The following GALNT10 variants were observed in gnomAD, a reference collection of about 807,000 sequenced individuals.
GALNT10 encodes the protein polypeptide N-acetylgalactosaminyltransferase 10.
In GALNT10, 41 loss-of-function variants were observed where a neutral mutation model predicts 75.0. The ratio of observed to expected loss-of-function variants is 0.55; its 90% CI spans 0.43 to 0.71. GALNT10 has a LOEUF of 0.71. Among genes scored for constraint, GALNT10 ranks in the 30% least tolerant of loss-of-function variants. The pLI is 0.00. For synonymous variants in GALNT10, 302 were observed against 313.0 expected, an observed-to-expected ratio of 0.96 and a Z score of 0.37; for missense variants, 727 against 818.5, an observed-to-expected ratio of 0.89 and a Z score of 1.36.
intron 1 of GALNT10, among the ~76,000 whole-genome samples, chr5:154,286,039 G>A (rs1157950369): frequency 6.6e-6 from 1 of 152,158 alleles, no homozygotes; most frequent in African/African-American, 2.4e-5. Context: ...AACCTTGCAG[G>A]CTGGATCAGA....
intron 1 of GALNT10, among the ~76,000 whole-genome samples, chr5:154,283,987 A>T (rs1754079315): frequency 6.6e-6 from 1 of 152,222 alleles, no homozygotes; most frequent in African/African-American, 2.4e-5. Context: ...GGATATTACA[A>T]TAGGTTGGTG....
At chr5:154,369,169 C>T (rs1755524626) in intron 4 of GALNT10, among the ~76,000 whole-genome samples, 1 of 152,162 alleles carries the variant, frequency 6.6e-6, no homozygotes, top group African/African-American at 2.4e-5. Flanking sequence ...GGGTGGATCA[C>T]TTCAGATCAG....
At chr5:154,192,331 C>G (rs960708582) in intron 1 of GALNT10, among the ~76,000 whole-genome samples, 1 of 152,240 alleles carries the variant, frequency 6.6e-6, no homozygotes, top group Admixed American at 6.5e-5. Flanking sequence ...GTAGAGCTTA[C>G]TGTTTAGAAA....
intron 1 of GALNT10, among the ~76,000 whole-genome samples, chr5:154,215,456 C>A (rs1203260765): frequency 6.6e-6 from 1 of 152,102 alleles, no homozygotes; most frequent in Non-Finnish European, 1.5e-5. Context: ...CACTCTCCAG[C>A]CTGGGCGACA....
chr5:154,407,947 C>T (rs1341506997), intron 8 of GALNT10, among the ~76,000 whole-genome samples: 2 of 152,168 alleles, frequency 1.3e-5, no homozygotes, highest in Non-Finnish European at 1.5e-5. Context: ...CTCATGTTGG[C>T]TTCCTTCTCC....
intron 1 of GALNT10, among the ~76,000 whole-genome samples, chr5:154,248,523 C>G (rs1367271815): frequency 1.3e-5 from 2 of 152,184 alleles, no homozygotes; most frequent in African/African-American, 2.4e-5. Flanking sequence ...TCAACTTCTT[C>G]CTGGTTTAGT....
intron 1 of GALNT10, among the ~76,000 whole-genome samples, chr5:154,201,178 A>G (rs1775022756): frequency 6.6e-6 from 1 of 152,130 alleles, no homozygotes; most frequent in Non-Finnish European, 1.5e-5. Context: ...GCCAGGCTGC[A>G]GGAGACATTC....
chr5:154,283,483 A>G (rs1282246971), intron 1 of GALNT10, among the ~76,000 whole-genome samples: 2 of 152,020 alleles, frequency 1.3e-5, no homozygotes. Flanking sequence ...TAAAAACAAG[A>G]ATACCAGAGT....
chr5:154,390,801 A>G (rs1317704950), intron 7 of GALNT10, among the ~76,000 whole-genome samples: 2 of 152,166 alleles, frequency 1.3e-5, no homozygotes, highest in Non-Finnish European at 2.9e-5. Context: ...TGTTTCAAAG[A>G]CCCATCTACT....
chr5:154,325,440 A>G (rs1049429512), intron 3 of GALNT10, among the ~76,000 whole-genome samples: 1 of 152,190 alleles, frequency 6.6e-6, no homozygotes, highest in African/African-American at 2.4e-5. Context: ...AGCGTGCCTT[A>G]TAAGTATTGA....
chr5:154,256,209 C>T (rs1753606779), intron 1 of GALNT10, among the ~76,000 whole-genome samples: 1 of 152,166 alleles, frequency 6.6e-6, no homozygotes, highest in Non-Finnish European at 1.5e-5. Context: ...CCGGGGTCAT[C>T]TCTGCCAACT....
chr5:154,266,595 C>T (rs1033923005), intron 1 of GALNT10, among the ~76,000 whole-genome samples: 3 of 150,710 alleles, frequency 2.0e-5, no homozygotes, highest in African/African-American at 7.4e-5. Context: ...AAACAGCTTC[C>T]CAGGTGTGAT....
chr5:154,202,864 C>T (rs1775047527), intron 1 of GALNT10, among the ~76,000 whole-genome samples: 1 of 152,134 alleles, frequency 6.6e-6, no homozygotes, highest in Non-Finnish European at 1.5e-5. Flanking sequence ...CAGAGTCAGC[C>T]TGGGGTGTGC....
intron 1 of GALNT10, among the ~76,000 whole-genome samples, chr5:154,289,525 G>T (rs10058807): frequency 0.013 from 1,987 of 152,292 alleles, 41 homozygotes; most frequent in African/African-American, 0.046. Context: ...TCCAGGGAGA[G>T]AACTGCAAGC....
At chr5:154,213,077 G>C (rs888250967) in intron 1 of GALNT10, among the ~76,000 whole-genome samples, 1 of 152,030 alleles carries the variant, frequency 6.6e-6, no homozygotes, top group African/African-American at 2.4e-5. Flanking sequence ...CTGTGCCTCA[G>C]TTTCCTAATC....
rs937326138 is a variant in GALNT10, at chr5:154,386,257, G to A, written c.939-56G>A. On this transcript the variant is annotated intron_variant, in intron 6 of 11. Coordinates refer to ENST00000297107, the MANE Select transcript of GALNT10 (RefSeq NM_198321.4). ...GGGGAATGGCATTATCGGGCCACAT[G>A]AGAGCATGTGGCCAGGACATCTGCA... 2.9e-5 allele frequency: 37 copies of A among 1,254,568 alleles called. No individual in the cohort carries two copies. The African/African-American group carries it at 5.2e-4, about 18-fold the overall frequency. 77.7% of individuals were successfully genotyped at this position (1,254,568 alleles called of 1,614,324 possible).
intron 1 of GALNT10, among the ~76,000 whole-genome samples, chr5:154,249,674 G>T (rs1328496764): frequency 6.6e-6 from 1 of 152,096 alleles, no homozygotes; most frequent in Non-Finnish European, 1.5e-5. Context: ...ACAGTTGATG[G>T]ACTGAAGATA....
intron 1 of GALNT10, among the ~76,000 whole-genome samples, chr5:154,261,107 C>A (rs1753692709): frequency 6.6e-6 from 1 of 152,180 alleles, no homozygotes; most frequent in South Asian, 2.1e-4. Flanking sequence ...GCCAATCAAC[C>A]TTGAAGAGTC....
At chr5:154,250,129 G>C (rs1202441560) in intron 1 of GALNT10, among the ~76,000 whole-genome samples, 1 of 152,160 alleles carries the variant, frequency 6.6e-6, no homozygotes, top group Non-Finnish European at 1.5e-5. Flanking sequence ...AGCTAGACTT[G>C]TGCGATTAAG....
Sources: allele counts gnomAD v4.1 joint callset (sites outside exome capture counted in the v4.1 genomes callset), GRCh38; gene constraint gnomAD v4.1.1; transcripts MANE v1.5; gene names NCBI Gene and HGNC (gene_info 2026-07-23, HGNC 2026-07-21).